The following RALYL variants were observed in gnomAD, a reference collection of about 807,000 sequenced individuals.
RALYL encodes the protein RNA-binding Raly-like protein.
A neutral mutation model predicts 35.1 loss-of-function variants in RALYL; 29 were observed. The observed-to-expected ratio is 0.83, with a 90% CI of 0.61 to 1.13. RALYL has a LOEUF of 1.13. RALYL is among the 50% of genes most tolerant of loss of function. The pLI is 0.00. For missense variants in RALYL, 359 were observed against 360.4 expected (o/e 1.00, Z 0.03); for synonymous variants, 120 against 127.6 (o/e 0.94, Z 0.40).
At chr8:84,814,144 G>A (rs139858532) in intron 4 of RALYL, among the ~76,000 whole-genome samples, 28 of 152,202 alleles carry the variant, frequency 1.8e-4, no homozygotes, top group African/African-American at 6.5e-4. Context: ...CAAACATTTA[G>A]CACACTTTTT....
intron 1 of RALYL, among the ~76,000 whole-genome samples, chr8:84,480,770 A>G (rs1564007426): frequency 6.6e-6 from 1 of 152,144 alleles, no homozygotes; most frequent in South Asian, 2.1e-4. Flanking sequence ...TTATATCTGT[A>G]CAGATTTCTC....
At chr8:84,476,339 A>G (rs747388430) in intron 1 of RALYL, among the ~76,000 whole-genome samples, 2 of 152,188 alleles carry the variant, frequency 1.3e-5, no homozygotes, top group Admixed American at 6.5e-5. Context: ...ACATCTAGTC[A>G]AAACTCTTTT....
chr8:84,202,607 T>A (rs1374377035), intron 1 of RALYL, among the ~76,000 whole-genome samples: 1 of 152,036 alleles, frequency 6.6e-6, no homozygotes, highest in Non-Finnish European at 1.5e-5. Flanking sequence ...TTCCTGACTT[T>A]GTGATCCACC....
intron 1 of RALYL, among the ~76,000 whole-genome samples, chr8:84,265,844 T>C (rs530347793): frequency 1.3e-5 from 2 of 152,274 alleles, no homozygotes; most frequent in Non-Finnish European, 1.5e-5. Flanking sequence ...CCTATAATTT[T>C]TTATCAAGAT....
chr8:84,815,025 C>T (rs1485009934), intron 4 of RALYL, among the ~76,000 whole-genome samples: 1 of 152,234 alleles, frequency 6.6e-6, no homozygotes, highest in African/African-American at 2.4e-5. Flanking sequence ...TTTCCATACA[C>T]ACATGCACAG....
chr8:84,471,796 C>T (rs557619580), intron 1 of RALYL, among the ~76,000 whole-genome samples: 39 of 152,262 alleles, frequency 2.6e-4, no homozygotes, highest in African/African-American at 8.7e-4. Flanking sequence ...ACTAATAAAA[C>T]ATTTCCCAAT....
At chr8:84,776,617 A>G (rs978810964) in intron 3 of RALYL, among the ~76,000 whole-genome samples, 7 of 152,082 alleles carry the variant, frequency 4.6e-5, no homozygotes, top group Non-Finnish European at 1.0e-4. Flanking sequence ...GAACATTTGA[A>G]AAGTCTTATT....
chr8:84,404,447 T>C (rs2043249852), intron 1 of RALYL, among the ~76,000 whole-genome samples: 1 of 152,190 alleles, frequency 6.6e-6, no homozygotes, highest in Non-Finnish European at 1.5e-5. Context: ...TTTTTGTCAT[T>C]GGTTCTGTTT....
At chr8:84,629,150 T>A (rs1823392444) in intron 2 of RALYL, among the ~76,000 whole-genome samples, 1 of 152,066 alleles carries the variant, frequency 6.6e-6, no homozygotes, top group Non-Finnish European at 1.5e-5. Flanking sequence ...GTTGTGCATA[T>A]CACCTTCTAA....
intron 2 of RALYL, among the ~76,000 whole-genome samples, chr8:84,623,570 G>A (rs114620046): frequency 0.01 from 1,567 of 152,172 alleles, 33 homozygotes; most frequent in African/African-American, 0.035. Context: ...ATTTTAGAGA[G>A]GTAGGGAGAG....
chr8:84,687,982 C>T (rs1837185882), intron 2 of RALYL, among the ~76,000 whole-genome samples: 1 of 151,998 alleles, frequency 6.6e-6, no homozygotes, highest in African/African-American at 2.4e-5. Context: ...TACTCATAAT[C>T]AGTTAATTCT....
At chr8:84,808,416 A>T (rs926471105) in intron 4 of RALYL, among the ~76,000 whole-genome samples, 11 of 152,270 alleles carry the variant, frequency 7.2e-5, no homozygotes, top group African/African-American at 2.6e-4. Context: ...TCCTTGTAAT[A>T]TAGTGTGAAA....
At chr8:84,554,314 T>C (rs1384604846) in intron 2 of RALYL, among the ~76,000 whole-genome samples, 1 of 152,198 alleles carries the variant, frequency 6.6e-6, no homozygotes. Flanking sequence ...TGTGTTTTGT[T>C]TTCCAACCAG....
intron 2 of RALYL, among the ~76,000 whole-genome samples, chr8:84,710,612 T>C (rs1842025862): frequency 6.7e-6 from 1 of 150,294 alleles, no homozygotes; most frequent in African/African-American, 2.5e-5. Context: ...TCAGTTCATA[T>C]ATTGTAATTT....
At chr8:84,547,120 C>G (rs2060412711) in intron 2 of RALYL, among the ~76,000 whole-genome samples, 1 of 152,064 alleles carries the variant, frequency 6.6e-6, no homozygotes, top group South Asian at 2.1e-4. Context: ...TCTCCCTCCT[C>G]TTGCCCTCCC....
intron 4 of RALYL, among the ~76,000 whole-genome samples, chr8:84,839,700 T>C (rs1832787706): frequency 6.6e-6 from 1 of 152,210 alleles, no homozygotes; most frequent in Non-Finnish European, 1.5e-5. Context: ...CCAAGTAGCC[T>C]AACTGGGAGG....
At chr8:84,538,086 A>T (rs2059744875) in intron 2 of RALYL, among the ~76,000 whole-genome samples, 1 of 152,214 alleles carries the variant, frequency 6.6e-6, no homozygotes, top group Non-Finnish European at 1.5e-5. Flanking sequence ...AACAAATGCT[A>T]ATTAGCAAGC....
rs572675225 is a variant in RALYL at position 84,751,058 on chromosome 8, G to T, written c.257-23521G>T. Among the ~76,000 whole-genome samples, 15 of 152,060 alleles carry T rather than the reference G, an allele frequency of 9.9e-5. No homozygotes were observed. In the South Asian group the frequency reaches 3.1e-3, roughly 32 times the overall value. ...TTGAGAAACTGTTAGTCCTTTATCGGCCATATCACTGTGCTTTTCACCTAT... is the reference window on the plus strand; with the variant it reads ...TTGAGAAACTGTTAGTCCTTTATCGTCCATATCACTGTGCTTTTCACCTAT... On this transcript the variant is annotated intron_variant, in intron 2 of 8. Transcript: ENST00000521268.
chr8:84,764,926 G>A (rs547389539), intron 2 of RALYL, among the ~76,000 whole-genome samples: 11 of 152,224 alleles, frequency 7.2e-5, no homozygotes, highest in Admixed American at 3.3e-4. Flanking sequence ...TCAGATTTTC[G>A]CTCAAAATGC....
Sources: allele counts gnomAD v4.1 joint callset (sites outside exome capture counted in the v4.1 genomes callset), GRCh38; gene constraint gnomAD v4.1.1; transcripts MANE v1.5; gene names NCBI Gene and HGNC (gene_info 2026-07-23, HGNC 2026-07-21).